Variants in PLEKHN1 observed in about 807,000 individuals in gnomAD.
PLEKHN1 encodes the protein pleckstrin homology domain containing N1.
PLEKHN1 carries 68 observed loss-of-function variants against 72.8 expected under a neutral mutation model. The observed-to-expected ratio is 0.93, with a 90% CI of 0.77 to 1.14. The LOEUF (loss-of-function observed/expected upper bound fraction) is 1.14, where lower values mean the gene tolerates loss of function less well. Ranked by LOEUF, PLEKHN1 falls within the 50% of genes most tolerant of loss-of-function variation. PLEKHN1 has a pLI of 0.00. For missense variants in PLEKHN1, 1,015 were observed against 840.5 expected, an observed-to-expected ratio of 1.21 and a Z score of -2.57; for synonymous variants, 454 against 371.6, an observed-to-expected ratio of 1.22 and a Z score of -2.55.
At chr1:967,627 C>T (rs1464970565) in intron 2 of PLEKHN1, among the ~76,000 whole-genome samples, 2 of 152,184 alleles carry the variant, frequency 1.3e-5, no homozygotes, top group Admixed American at 6.5e-5. Flanking sequence ...GCCGTGCAGA[C>T]CCCTTTGCCA....
Position 967,154 on chromosome 1 carries a change from G to A in PLEKHN1, c.183+351G>A, listed in dbSNP as rs1394472795. Among the ~76,000 whole-genome samples the A allele has an allele frequency of 2.0e-5, 3 of 152,200 alleles. 1 individual carries two copies. The highest frequency in any genetic ancestry group is 7.2e-5 in the African/African-American group (3 of 41,458). On this transcript the variant is annotated intron_variant, in intron 2 of 15. Transcript: ENST00000379410. ...AGGTAGTGTCACTTGAGAGTAAGGG[G>A]CCTCAGATGAGCAGCGAGCCAGCCG...
In PLEKHN1 at chr1:969,927, G is replaced by A. The variant is rs528578943; in HGVS notation, c.184-350G>A. On this transcript the variant is annotated intron_variant, in intron 2 of 15. Coordinates refer to ENST00000379410, the MANE Select transcript of PLEKHN1 (RefSeq NM_032129.3). Reference sequence around the variant, plus strand: ...TATGCACGTGTGTGTAAATTCTGCCGTGACTGTTTTCCTGTGGAAAGGCTG... The same window carrying A: ...TATGCACGTGTGTGTAAATTCTGCCATGACTGTTTTCCTGTGGAAAGGCTG... Among the ~76,000 whole-genome samples, 102 of 152,290 alleles carry A rather than the reference G, an allele frequency of 6.7e-4. 4 individuals are homozygous for A. The South Asian group carries it at 9.3e-3, about 14-fold the overall frequency.
At chr1:966,851 C>A in intron 2 of PLEKHN1, 48 bp downstream of exon 2, 1 of 1,510,202 alleles carries the variant, frequency 6.6e-7, no homozygotes, top group Non-Finnish European at 8.9e-7. Context: ...GTGGCTCTGC[C>A]CGCGCGTGTG....
rs1175046345 is a variant in PLEKHN1, at chr1:975,783, C to T, written c.*1208C>T. On this transcript the variant is annotated 3_prime_UTR_variant, in exon 16 of 16. Coordinates refer to ENST00000379410, the MANE Select transcript of PLEKHN1 (RefSeq NM_032129.3). ...GTCCTGTCCTGCCACTCAGCTCCCC[C>T]TGCACCCCAGAAGAAACGCAGGGTG... The T allele has an allele frequency of 1.4e-4, 27 of 189,882 alleles. No individual in the cohort carries two copies. The allele number at this position is 189,882 out of a possible 1,614,324, so 11.8% of individuals were successfully genotyped here.
In PLEKHN1 at chr1:970,129, T is replaced by C. The variant is rs1229976976; in HGVS notation, c.184-148T>C. ...ATGTGTTGTGTGGCTGTGCACAGGT[T>C]CTGTGCCTGTGGGGGGCTGTTCTTC... On this transcript the variant is annotated intron_variant, in intron 2 of 15. Coordinates refer to ENST00000379410, the MANE Select transcript of PLEKHN1 (RefSeq NM_032129.3). This position sits in a 1 kb window ranked among gnomAD's most constrained non-coding sequence, Gnocchi z 4.2. 1 of 659,014 alleles carries C rather than the reference T, an allele frequency of 1.5e-6. No homozygotes were observed. The highest frequency in any genetic ancestry group is 3.0e-5 in the Admixed American group (1 of 33,760). 40.8% of individuals were successfully genotyped at this position (659,014 alleles called of 1,614,324 possible). A position where few individuals can be genotyped will look rare whatever the true frequency, so the allele number is the denominator to read the frequency against.
intron 14 of PLEKHN1, 126 bp downstream of exon 14, chr1:974,177 G>T: frequency 2.7e-6 from 4 of 1,497,354 alleles, no homozygotes; most frequent in Admixed American, 1.7e-5. Context: ...TGGAGGCCAG[G>T]GGGGCCAGTA....
Position 970,444 on chromosome 1 carries a change from A to C in PLEKHN1, c.330+21A>C, listed in dbSNP as rs1197159097. 1 of 1,613,048 alleles carries C rather than the reference A, an allele frequency of 6.2e-7. No homozygotes were observed. Among genetic ancestry groups the C allele is most frequent in the East Asian group, 2.2e-5 (1 of 44,876 alleles). Reference sequence around the variant, plus strand: ...GCCAGGTGGGGGCCGGGCTGGGTGGAGCACGCTAAGGGTGCAGCATCCCCA... The same window carrying C: ...GCCAGGTGGGGGCCGGGCTGGGTGGCGCACGCTAAGGGTGCAGCATCCCCA... On this transcript the variant is annotated intron_variant, in intron 3 of 15. Coordinates refer to ENST00000379410, the MANE Select transcript of PLEKHN1 (RefSeq NM_032129.3). The surrounding 1 kb of genome is among the most constrained non-coding windows in gnomAD (Gnocchi z 4.2).
At position 973,318 on chromosome 1, in the gene PLEKHN1, C is replaced by G. The variant is rs781101373; in HGVS notation, c.1285C>G (p.Leu429Val). ...CCCTGTCACCCCACTGCACCTGGAC[C>G]TGACCCAGGTGGGCCCAGCACACCC... ...RGPVTPLHLDLTQLHRLSLES... is the reference protein window; with the variant it reads ...RGPVTPLHLDVTQLHRLSLES... The change falls in exon 12 of 16, where the codon CTG (leucine) becomes GTG (valine). Residue 429 changes from leucine (L) to valine (V), a missense_variant. Coordinates refer to ENST00000379410, the MANE Select transcript of PLEKHN1 (RefSeq NM_032129.3). 3.2e-6 allele frequency: 5 copies of G among 1,548,022 alleles called. No individual in the cohort carries two copies. The highest frequency in any genetic ancestry group is 4.4e-6 in the Non-Finnish European group (5 of 1,142,466).
rs779333526 is a variant in PLEKHN1 at position 971,359 on chromosome 1, G to A, written c.744G>A (p.Thr248=). 47 of 1,525,464 alleles carry A rather than the reference G, an allele frequency of 3.1e-5. No individual in the cohort carries two copies. Among genetic ancestry groups the A allele is most frequent in the East Asian group, 5.2e-5 (2 of 38,190 alleles). 94.5% of individuals were successfully genotyped at this position (1,525,464 alleles called of 1,614,324 possible). ...ACCGGCTCTTGGTCCTGTACCCAAC[G>A]TCCTTGGCCATTTTCTCCGAGGAGC... ...QWDRLLVLYP[T]SLAIFSEELD... is the part of the protein sequence containing the mutation. The change falls in exon 8 of 16, where the codon ACG becomes ACA. Residue 248 remains threonine (T), a synonymous_variant. Coordinates refer to ENST00000379410, the MANE Select transcript of PLEKHN1 (RefSeq NM_032129.3).
intron 14 of PLEKHN1, 115 bp downstream of exon 14, chr1:974,166 A>T: frequency 1.3e-6 from 2 of 1,486,820 alleles, no homozygotes; most frequent in Non-Finnish European, 1.8e-6. Flanking sequence ...ACGGGGGCAG[A>T]TGGAGGCCAG....
chr1:972,714 C>G, intron 10 of PLEKHN1, 147 bp from the exon 11 acceptor site: 2 of 1,101,500 alleles, frequency 1.8e-6, no homozygotes, highest in South Asian at 1.7e-5. Context: ...TGCAGTGAGC[C>G]GAGATCGTGC....
Position 975,860 on chromosome 1 carries a change from C to G in PLEKHN1, c.*1285C>G, listed in dbSNP as rs982912206. 2.8e-6 allele frequency: 1 copy of G among 360,248 alleles called. No individual in the cohort carries two copies. The highest frequency in any genetic ancestry group is 2.1e-5 in the African/African-American group (1 of 46,822). 22.3% of individuals were successfully genotyped at this position (360,248 alleles called of 1,614,324 possible). A position where few individuals can be genotyped will look rare whatever the true frequency, so the allele number is the denominator to read the frequency against. On this transcript the variant is annotated 3_prime_UTR_variant, in exon 16 of 16. Coordinates refer to ENST00000379410, the MANE Select transcript of PLEKHN1 (RefSeq NM_032129.3). ...ACAACTTCTTAGTAAAATGACCTCC[C>G]CACTATTGCCTGTCTGAAATTAACC...
At position 970,987 on chromosome 1, in the gene PLEKHN1, G is replaced by A. The variant is rs749228520; in HGVS notation, c.593G>A (p.Cys198Tyr). The change falls in exon 6 of 16, where the codon TGC becomes TAC. Residue 198 changes from cysteine to tyrosine, a missense_variant. Coordinates refer to ENST00000379410, the MANE Select transcript of PLEKHN1 (RefSeq NM_032129.3). The surrounding 1 kb of genome is among the most constrained non-coding windows in gnomAD (Gnocchi z 4.2). ...GCCCTCCTCGGGGGGCCGCGGCGCT[G>A]CCACTCGGCACCCCCACAGGTCAGT... ...QTALLGGPRR[C>Y]HSAPPQRRLT... 5.0e-6 allele frequency: 8 copies of A among 1,604,998 alleles called. No homozygotes were observed. The highest frequency in any genetic ancestry group is 3.4e-5 in the Admixed American group (2 of 59,234).
chr1:970,946 C>A lies in PLEKHN1; in HGVS notation c.552C>A (p.His184Gln), dbSNP rs949705125. The change falls in exon 6 of 16, where the codon CAC (histidine) becomes CAA (glutamine). Residue 184 changes from histidine (H) to glutamine (Q), a missense_variant. His to Gln is a conservative substitution (Grantham distance 24, BLOSUM62 0). Transcript: ENST00000379410. This position sits in a 1 kb window ranked among gnomAD's most constrained non-coding sequence, Gnocchi z 4.2. ...CCGAGCTGGACCGCTGGCTTTACCA[C>A]CTGGAGAAGCAGACGGCCCTCCTCG... Reference protein sequence around the residue: ...SRAELDRWLYHLEKQTALLGG... With the variant: ...SRAELDRWLYQLEKQTALLGG... 3 of 1,609,670 alleles carry A rather than the reference C, an allele frequency of 1.9e-6. No homozygotes were observed. Among genetic ancestry groups the A allele is most frequent in the Non-Finnish European group, 2.5e-6 (3 of 1,179,068 alleles).
At chr1:972,047 G>T in intron 8 of PLEKHN1, 28 bp from the exon 9 acceptor site, 1 of 1,607,150 alleles carries the variant, frequency 6.2e-7, no homozygotes, top group East Asian at 2.2e-5. Context: ...CCCCTACAAA[G>T]GCCTGGCCCT....
Position 973,025 on chromosome 1 carries a change from G to T in PLEKHN1, c.1152+15G>T. On this transcript the variant is annotated intron_variant, in intron 11 of 15. Coordinates refer to ENST00000379410, the MANE Select transcript of PLEKHN1 (RefSeq NM_032129.3). Reference sequence around the variant, plus strand: ...AGCACACACCGGTGAGCGCTTACGGGGTGGCAGACGAAAGTGGGGCAGAAG... The same window carrying T: ...AGCACACACCGGTGAGCGCTTACGGTGTGGCAGACGAAAGTGGGGCAGAAG... 1 of 1,590,084 alleles carries T rather than the reference G, an allele frequency of 6.3e-7. No individual in the cohort carries two copies.
chr1:973,261 C>T lies in PLEKHN1; in HGVS notation c.1228C>T (p.Pro410Ser). 6.5e-7 allele frequency: 1 copy of T among 1,544,052 alleles called. No individual in the cohort carries two copies. The highest frequency in any genetic ancestry group is 8.8e-7 in the Non-Finnish European group (1 of 1,142,010). The change falls in exon 12 of 16, where the codon CCC (proline) becomes TCC (serine). Residue 410 changes from proline (P) to serine (S), a missense_variant. Coordinates refer to ENST00000379410, the MANE Select transcript of PLEKHN1 (RefSeq NM_032129.3). ...ELRRSGSSRS[P>S]GSKARAEGRG... ...GAGACGCAGTGGCAGCAGCCGGTCA[C>T]CCGGGAGCAAGGCCCGGGCAGAGGG...
At position 972,043 on chromosome 1, in the gene PLEKHN1, CAAAGGCCTGGCCCTCA is replaced by C. The variant is rs1643357542; in HGVS notation, c.790-30_790-15del. On this transcript the variant is annotated splice_polypyrimidine_tract_variant and intron_variant, in intron 8 of 15. Coordinates refer to ENST00000379410, the MANE Select transcript of PLEKHN1 (RefSeq NM_032129.3). Reference sequence around the variant, plus strand: ...AGGCGGGGCCCCGGGGCTGCCCCTACAAAGGCCTGGCCCTCAATCTCTGCTCCGCAGGGGGAGCTCC... The same window carrying C: ...AGGCGGGGCCCCGGGGCTGCCCCTACATCTCTGCTCCGCAGGGGGAGCTCC... 6 of 1,603,368 alleles carry C rather than the reference CAAAGGCCTGGCCCTCA, an allele frequency of 3.7e-6. No individual in the cohort carries two copies. In the African/African-American group the frequency reaches 8.0e-5, roughly 21 times the overall value.
Position 974,746 on chromosome 1 carries a change from G to A in PLEKHN1, c.*171G>A, listed in dbSNP as rs1296097185. The A allele has an allele frequency of 1.1e-6, 1 of 884,796 alleles. No individual in the cohort carries two copies. The highest frequency in any genetic ancestry group is 1.7e-6 in the Non-Finnish European group (1 of 600,422). The allele number at this position is 884,796 out of a possible 1,614,324, so 54.8% of individuals were successfully genotyped here. A position where few individuals can be genotyped will look rare whatever the true frequency, so the allele number is the denominator to read the frequency against. Reference sequence around the variant, plus strand: ...CAGCTCCTGTTCCTTGGTGCCAGCAGCTGGGGCAGGGAAGGGTGGGAGGGG... The same window carrying A: ...CAGCTCCTGTTCCTTGGTGCCAGCAACTGGGGCAGGGAAGGGTGGGAGGGG... On this transcript the variant is annotated 3_prime_UTR_variant, in exon 16 of 16. Transcript: ENST00000379410.
Sources: allele counts gnomAD v4.1 joint callset (sites outside exome capture counted in the v4.1 genomes callset), GRCh38; gene constraint gnomAD v4.1.1; non-coding constraint Gnocchi (gnomAD v3.1); transcripts MANE v1.5; gene names NCBI Gene and HGNC (gene_info 2026-07-23, HGNC 2026-07-21).